The following MYL6 variants were observed in gnomAD, a reference collection of about 807,000 sequenced individuals.
MYL6 encodes myosin light chain 6.
Under a neutral mutation model 20.3 loss-of-function variants are expected in MYL6, and 20 were observed. That is an observed-to-expected ratio of 0.98 (90% CI 0.69 to 1.43). MYL6 has a LOEUF of 1.43. MYL6 is among the 40% of genes most tolerant of loss of function. The pLI is 0.00. For missense variants in MYL6, 164 were observed against 191.0 expected, an observed-to-expected ratio of 0.86 and a Z score of 0.83; for synonymous variants, 77 against 72.4, an observed-to-expected ratio of 1.06 and a Z score of -0.32.
At chr12:56,161,334 C>T (rs13997) in intron 6 of MYL6, 53 bp from the exon 7 acceptor site, 11 of 1,608,732 alleles carry the variant, frequency 6.8e-6, no homozygotes, top group African/African-American at 1.3e-5. Flanking sequence ...TGGCCCTTGG[C>T]GTACCCCTCC....
chr12:56,158,493 G>C (rs755179821), intron 1 of MYL6, 89 bp downstream of exon 1: 1 of 1,585,254 alleles, frequency 6.3e-7, no homozygotes, highest in Non-Finnish European at 8.6e-7. Flanking sequence ...AGGGGTAGGA[G>C]GCAAAGGGAA....
In MYL6 at chr12:56,161,410, G is replaced by A. The variant is rs1277278759; in HGVS notation, c.*40G>A. The A allele has an allele frequency of 6.2e-7, 1 of 1,614,188 alleles. No individual in the cohort carries two copies. The highest frequency in any genetic ancestry group is 8.5e-7 in the Non-Finnish European group (1 of 1,180,022). On this transcript the variant is annotated 3_prime_UTR_variant, in exon 7 of 7. Coordinates refer to ENST00000550697, the MANE Select transcript of MYL6 (RefSeq NM_021019.5). The stretch of plus-strand genomic sequence containing the variant: ...AGAGCTCGTCCGCATGGTGCTGAAT[G>A]GCTGAGGACCTTCCCAGTCTCCCCA...
intron 5 of MYL6, 123 bp from the exon 6 acceptor site, chr12:56,160,503 G>A (rs1387412006): frequency 2.1e-6 from 3 of 1,398,916 alleles, no homozygotes; most frequent in African/African-American, 2.8e-5. Flanking sequence ...AAGGAAGGGG[G>A]TAGTATTGTA....
chr12:56,160,472 G>C, intron 5 of MYL6, 152 bp downstream of exon 5: 1 of 1,411,906 alleles, frequency 7.1e-7, no homozygotes, highest in Non-Finnish European at 1.0e-6. Flanking sequence ...AGGAGTGGGA[G>C]GTCAGGGCGG....
intron 2 of MYL6, chr12:56,159,272 A>G (rs894847796): frequency 8.4e-6 from 3 of 355,642 alleles, no homozygotes; most frequent in African/African-American, 2.1e-5. Flanking sequence ...TTATAAGGAC[A>G]GGACTGAGAC....
At position 56,160,608 on chromosome 12, in the gene MYL6, GTC is replaced by G; in HGVS notation, c.428-14_428-13del. 6.2e-7 allele frequency: 1 copy of G among 1,614,202 alleles called. No individual in the cohort carries two copies. Among genetic ancestry groups the G allele is most frequent in the Non-Finnish European group, 8.5e-7 (1 of 1,180,000 alleles). On this transcript the variant is annotated splice_polypyrimidine_tract_variant and intron_variant, in intron 5 of 6. Transcript: ENST00000550697. Reference sequence around the variant, plus strand: ...TCTTTGTCTTGTCTTCACCATGAATGTCTCTTCCTTCCTGCAGCGTTTGTGAG... The same window carrying G: ...TCTTTGTCTTGTCTTCACCATGAATGTCTTCCTTCCTGCAGCGTTTGTGAG...
intron 6 of MYL6, chr12:56,160,908 T>A: frequency 1.7e-6 from 1 of 594,568 alleles, no homozygotes. Flanking sequence ...CCCTGGGTGC[T>A]GGTGTCTGGG....
At chr12:56,159,477 G>A (rs1871571510) in intron 2 of MYL6, 110 bp from the exon 3 acceptor site, 3 of 1,409,154 alleles carry the variant, frequency 2.1e-6, no homozygotes, top group Non-Finnish European at 2.9e-6. Context: ...ACAGTTTGGT[G>A]CAGATATCTC....
intron 2 of MYL6, 171 bp from the exon 3 acceptor site, chr12:56,159,415 CA>C: frequency 1.2e-6 from 1 of 854,094 alleles, no homozygotes; most frequent in South Asian, 1.8e-5. Context: ...CTATATAGAA[CA>C]CTTGAGTTGG....
Position 56,158,780 on chromosome 12 carries a change from C to T in MYL6, c.31+69C>T, listed in dbSNP as rs959622506. On this transcript the variant is annotated intron_variant, in intron 2 of 6. Transcript: ENST00000550697. ...GGACACCCTCCCCCCAGCACCTATC[C>T]TCTAATCTTAATCTGTCATCTCTTT... 5 of 1,602,924 alleles carry T rather than the reference C, an allele frequency of 3.1e-6. No homozygotes were observed. In the South Asian group the frequency reaches 5.5e-5, roughly 18 times the overall value.
At chr12:56,158,895 A>C (rs1299153942) in intron 2 of MYL6, 184 bp downstream of exon 2, 1 of 1,434,424 alleles carries the variant, frequency 7.0e-7, no homozygotes, top group African/African-American at 1.5e-5. Context: ...CTCCCCTTCC[A>C]CTCTAGATCT....
At position 56,160,184 on chromosome 12, in the gene MYL6, G is replaced by A. The variant is rs377766209; in HGVS notation, c.349+36G>A. On this transcript the variant is annotated intron_variant, in intron 4 of 6. Coordinates refer to ENST00000550697, the MANE Select transcript of MYL6 (RefSeq NM_021019.5). ...GTGTCCTTGTCCTTGAGCTGAGATG[G>A]CACCCTGAGGTACCTCACTTGTCAC... is the stretch of plus-strand genomic sequence containing the variant. 1.1e-4 allele frequency: 178 copies of A among 1,613,582 alleles called. 1 individual carries two copies. The East Asian group carries it at 1.3e-3, about 12-fold the overall frequency.
In MYL6 at chr12:56,160,063, TTA is replaced by T. The variant is rs754625713; in HGVS notation, c.266_267del (p.Tyr89CysfsTer8). 5 of 1,614,022 alleles carry T rather than the reference TTA, an allele frequency of 3.1e-6. No individual in the cohort carries two copies. The highest frequency in any genetic ancestry group is 4.2e-6 in the Non-Finnish European group (5 of 1,180,034). ...ACAAGGACCAGGGCACCTATGAGGA[TTA>T]TGTCGAAGGACTTCGGGTGTTTGAC... ...KNKDQGTYED[Y>X]VEGLRVFDKE... is the part of the protein sequence containing the mutation. On this transcript the variant is annotated frameshift_variant, in exon 4 of 7. Transcript: ENST00000550697. LOFTEE classifies it high-confidence loss of function.
At chr12:56,159,484 T>C (rs1871572500) in intron 2 of MYL6, 103 bp from the exon 3 acceptor site, 2 of 1,459,406 alleles carry the variant, frequency 1.4e-6, no homozygotes, top group South Asian at 1.3e-5. Context: ...GGTGCAGATA[T>C]CTCGTTTCCT....
chr12:56,160,463 G>A, intron 5 of MYL6, 143 bp downstream of exon 5: 1 of 1,429,158 alleles, frequency 7.0e-7, no homozygotes, highest in East Asian at 2.3e-5. Flanking sequence ...GCCCAGCCCA[G>A]GAGTGGGAGG....
rs774256464 is a variant in MYL6 at position 56,160,259 on chromosome 12, GGAA to G, written c.371_373del (p.Glu124del). On this transcript the variant is annotated inframe_deletion, in exon 5 of 7. Transcript: ENST00000550697. ...CCCCTGCAGGTGAGAAGATGACAGA[GGAA>G]GAAGTAGAGATGCTGGTGGCAGGGC... 5.0e-6 allele frequency: 8 copies of G among 1,614,124 alleles called. No individual in the cohort carries two copies. Among genetic ancestry groups the G allele is most frequent in the Admixed American group, 1.7e-5 (1 of 60,010 alleles).
In MYL6 at chr12:56,161,278, G is replaced by A. The variant is rs554606023; in HGVS notation, c.*17-109G>A. The A allele has an allele frequency of 1.3e-5, 18 of 1,368,220 alleles. No individual in the cohort carries two copies. In the African/African-American group the frequency reaches 1.7e-4, roughly 13 times the overall value. The allele number at this position is 1,368,220 out of a possible 1,614,324, so 84.8% of individuals were successfully genotyped here. Reference sequence around the variant, plus strand: ...CAAACTGACCCCAGGGTTGGTTGCTGTGGGCATGTTCCCGCTTATGCTACC... The same window carrying A: ...CAAACTGACCCCAGGGTTGGTTGCTATGGGCATGTTCCCGCTTATGCTACC... On this transcript the variant is annotated intron_variant, in intron 6 of 6. Transcript: ENST00000550697.
At chr12:56,160,859 C>T (rs1871768769) in intron 6 of MYL6, 189 bp downstream of exon 6, 1 of 642,696 alleles carries the variant, frequency 1.6e-6, no homozygotes, top group African/African-American at 1.8e-5. Context: ...ACAGTACCTC[C>T]TTACCTCTAG....
chr12:56,158,384 G>T lies in MYL6; in HGVS notation c.-18G>T, dbSNP rs764484571. 3 of 1,520,268 alleles carry T rather than the reference G, an allele frequency of 2.0e-6. No individual in the cohort carries two copies. The highest frequency in any genetic ancestry group is 2.3e-5 in the East Asian group (1 of 44,106). The allele number at this position is 1,520,268 out of a possible 1,614,324, so 94.2% of individuals were successfully genotyped here. A position where few individuals can be genotyped will look rare whatever the true frequency, so the allele number is the denominator to read the frequency against. Reference sequence around the variant, plus strand: ...GCCATTACTGCAGGAAAAGGTCCCGGAGAGCTGAGCAGTCAAGATGGTGGG... The same window carrying T: ...GCCATTACTGCAGGAAAAGGTCCCGTAGAGCTGAGCAGTCAAGATGGTGGG... On this transcript the variant is annotated 5_prime_UTR_variant, in exon 1 of 7. Transcript: ENST00000550697.
Sources: allele counts gnomAD v4.1 joint callset, GRCh38; gene constraint gnomAD v4.1.1; transcripts MANE v1.5; gene names NCBI Gene and HGNC (gene_info 2026-07-23, HGNC 2026-07-21).